PPRC1: variants seen among roughly 807,000 people sequenced by gnomAD.
PPRC1 encodes peroxisome proliferator-activated receptor gamma coactivator-related protein 1.
Under a neutral mutation model 132.5 loss-of-function variants are expected in PPRC1, and 23 were observed. The observed-to-expected ratio is 0.17, with a 90% confidence interval of 0.12 to 0.25. The LOEUF (loss-of-function observed/expected upper bound fraction) is 0.25. Among genes scored for constraint, PPRC1 ranks in the 10% least tolerant of loss-of-function variants. The probability of loss-of-function intolerance (pLI) is 1.00; values close to 1 mark genes in which losing one functional copy is unlikely to be tolerated. For missense variants in PPRC1, 2,006 were observed against 2,089.1 expected (o/e 0.96, Z 0.78); for synonymous variants, 872 against 833.5 (o/e 1.05, Z -0.80).
At position 102,133,107 on chromosome 10, in the gene PPRC1, G is replaced by A. The variant is rs944802347; in HGVS notation, c.39G>A (p.Pro13=). ...ARRGRRDGVA[P]PPSGGPGPDP... is the part of the protein sequence containing the mutation. Reference sequence around the variant, plus strand: ...GGGGACGGAGAGACGGAGTCGCGCCGCCCCCGAGTGGGGGCCCCGGTCCGG... The same window carrying A: ...GGGGACGGAGAGACGGAGTCGCGCCACCCCCGAGTGGGGGCCCCGGTCCGG... The change falls in exon 1 of 14, where the codon CCG becomes CCA. Residue 13 remains proline, a synonymous_variant. Transcript: ENST00000278070. 8.0e-7 allele frequency: 1 copy of A among 1,244,844 alleles called. No individual in the cohort carries two copies. 77.1% of individuals were successfully genotyped at this position (1,244,844 alleles called of 1,614,324 possible).
At chr10:102,138,278 C>T (rs993225016) in intron 2 of PPRC1, among the ~76,000 whole-genome samples, 1 of 152,236 alleles carries the variant, frequency 6.6e-6, no homozygotes, top group Non-Finnish European at 1.5e-5. Flanking sequence ...TTCCCACTGT[C>T]TGGGCCCCTG....
rs1480230764 is a variant in PPRC1, at chr10:102,139,949, T to A, written c.1441T>A (p.Ser481Thr). ...GGAAGGCTATGCCAGGAGGCTGAGG[T>A]CATCTTCTCGCGGGCAGTCTACTGT... ...CVEGYARRLR[S>T]SSRGQSTVGT... The change falls in exon 5 of 14, where the codon TCA (serine) becomes ACA (threonine). Residue 481 changes from serine (S) to threonine (T), a missense_variant. Physicochemically the swap from Ser to Thr is moderately conservative, Grantham distance 58. Transcript: ENST00000278070. 6 of 1,614,082 alleles carry A rather than the reference T, an allele frequency of 3.7e-6. No homozygotes were observed. The highest frequency in any genetic ancestry group is 5.1e-6 in the Non-Finnish European group (6 of 1,180,052).
At chr10:102,144,937 C>CA in intron 7 of PPRC1, 83 bp from the exon 8 acceptor site, 1 of 1,138,432 alleles carries the variant, frequency 8.8e-7, no homozygotes, top group Non-Finnish European at 1.3e-6. Flanking sequence ...CACCCACCCC[C>CA]TCCCATTGAT....
At chr10:102,147,472 C>A in intron 9 of PPRC1, 80 bp downstream of exon 9, 1 of 1,464,632 alleles carries the variant, frequency 6.8e-7, no homozygotes, top group Non-Finnish European at 9.1e-7. Context: ...AGCTTTTACC[C>A]GTTGACTTTG....
Position 102,138,933 on chromosome 10 carries a change from C to T in PPRC1, c.544C>T (p.Pro182Ser). The stretch of plus-strand genomic sequence containing the variant: ...ACCCCCAGAACGTGACCTCATCACC[C>T]CAGTTGACCCACTGGGGCCCAGTAC... ...RTPPERDLIT[P>S]VDPLGPSTGS... Residue 182 changes from proline (P) to serine (S), a missense_variant, in exon 4 of 14, where the codon CCA becomes TCA. This residue lies in a region of PPRC1 where 1,914 missense variants were observed against 1,917.2 expected (regional missense o/e 1.00). Coordinates refer to ENST00000278070, the MANE Select transcript of PPRC1 (RefSeq NM_015062.5). 2 of 1,614,176 alleles carry T rather than the reference C, an allele frequency of 1.2e-6. No individual in the cohort carries two copies. Among genetic ancestry groups the T allele is most frequent in the Non-Finnish European group, 1.7e-6 (2 of 1,180,016 alleles).
intron 7 of PPRC1, chr10:102,144,787 G>A (rs566954300): frequency 1.8e-5 from 10 of 547,428 alleles, no homozygotes; most frequent in Non-Finnish European, 3.3e-5. Context: ...AAGGAGGTGG[G>A]GGGTATTCAA....
intron 8 of PPRC1, among the ~76,000 whole-genome samples, chr10:102,146,061 G>C (rs2069232838): frequency 6.6e-6 from 1 of 152,192 alleles, no homozygotes. Flanking sequence ...AACCAACTGG[G>C]TATGTTTTGG....
the PPRC1 span, among the ~76,000 whole-genome samples, chr10:102,124,539 T>A: frequency 6.6e-6 from 1 of 151,768 alleles, no homozygotes; most frequent in Non-Finnish European, 1.5e-5. Context: ...AATTTTGTAT[T>A]TTTAGTAGAG....
rs749636936 is a variant in PPRC1, at chr10:102,140,965, T to A, written c.2457T>A (p.Leu819=). Residue 819 remains leucine, a synonymous_variant, in exon 5 of 14, where the codon CTT becomes CTA. Coordinates refer to ENST00000278070, the MANE Select transcript of PPRC1 (RefSeq NM_015062.5). ...CTGAAACACCCCTTGAGATTTGCCT[T>A]GTGCCTGTAGGTCCCAGCCCTGCTT... ...RSPETPLEIC[L]VPVGPSPASP... is the part of the protein sequence containing the mutation. 6.2e-7 allele frequency: 1 copy of A among 1,614,050 alleles called. No individual in the cohort carries two copies. Among genetic ancestry groups the A allele is most frequent in the Non-Finnish European group, 8.5e-7 (1 of 1,179,998 alleles).
chr10:102,137,988 A>G lies in PPRC1; in HGVS notation c.292A>G (p.Met98Val). 6.2e-7 allele frequency: 1 copy of G among 1,614,122 alleles called. No individual in the cohort carries two copies. The highest frequency in any genetic ancestry group is 8.5e-7 in the Non-Finnish European group (1 of 1,180,008). Residue 98 changes from methionine (M) to valine (V), a missense_variant, in exon 2 of 14, where the codon ATG becomes GTG. Met to Val is a conservative substitution (Grantham distance 21). Coordinates refer to ENST00000278070, the MANE Select transcript of PPRC1 (RefSeq NM_015062.5). Reference protein sequence around the residue: ...ETLLGTMQSYMDASLISLIED... With the variant: ...ETLLGTMQSYVDASLISLIED... ...ACTGCTGGGGACCATGCAGAGCTAC[A>G]TGGATGCCTCCCTTATCTCCCTCAT... is the stretch of plus-strand genomic sequence containing the variant.
chr10:102,136,360 T>G lies in PPRC1; in HGVS notation c.154-1490T>G, dbSNP rs565002944. ...GAAGACACCTGTTGCTTTTTTCTTT[T>G]GGAAGTGGTGCGGAATTTCACTTTG... On this transcript the variant is annotated intron_variant, in intron 1 of 13. Coordinates refer to ENST00000278070, the MANE Select transcript of PPRC1 (RefSeq NM_015062.5). Among the ~76,000 whole-genome samples, 7 of 152,194 alleles carry G rather than the reference T, an allele frequency of 4.6e-5. No homozygotes were observed. The South Asian group carries it at 1.5e-3, about 32-fold the overall frequency.
the PPRC1 span, among the ~76,000 whole-genome samples, chr10:102,127,272 G>T: frequency 6.6e-6 from 1 of 151,758 alleles, no homozygotes; most frequent in Non-Finnish European, 1.5e-5. Context: ...CTACTCAGGA[G>T]GCTGAGGTAG....
Position 102,150,256 on chromosome 10 carries a change from G to A in PPRC1, c.*227G>A, listed in dbSNP as rs2069452662. On this transcript the variant is annotated 3_prime_UTR_variant, in exon 14 of 14. Coordinates refer to ENST00000278070, the MANE Select transcript of PPRC1 (RefSeq NM_015062.5). Reference sequence around the variant, plus strand: ...ACTTGCATTCCTATGTAAGATAGGAGGGGCTGAGGGGATCCCCAGTGTTTG... The same window carrying A: ...ACTTGCATTCCTATGTAAGATAGGAAGGGCTGAGGGGATCCCCAGTGTTTG... The A allele has an allele frequency of 2.3e-6, 1 of 437,956 alleles. No homozygotes were observed. Among genetic ancestry groups the A allele is most frequent in the Non-Finnish European group, 4.2e-6 (1 of 236,898 alleles). The allele number at this position is 437,956 out of a possible 1,614,324, so 27.1% of individuals were successfully genotyped here. A position where few individuals can be genotyped will look rare whatever the true frequency, so the allele number is the denominator to read the frequency against.
At chr10:102,120,917 G>A in the PPRC1 span, among the ~76,000 whole-genome samples, 3 of 152,154 alleles carry the variant, frequency 2.0e-5, no homozygotes, top group Non-Finnish European at 4.4e-5. Flanking sequence ...TCCCTGCTGA[G>A]ACGCCAGCCT....
chr10:102,127,573 A>T, the PPRC1 span, among the ~76,000 whole-genome samples: 1 of 150,942 alleles, frequency 6.6e-6, no homozygotes, highest in African/African-American at 2.4e-5. Flanking sequence ...CGCCCGGCTA[A>T]TTTTTTGTAT....
Position 102,141,795 on chromosome 10 carries a change from C to T in PPRC1, c.3287C>T (p.Ala1096Val), listed in dbSNP as rs1221047579. 1 of 1,613,908 alleles carries T rather than the reference C, an allele frequency of 6.2e-7. No homozygotes were observed. Among genetic ancestry groups the T allele is most frequent in the Non-Finnish European group, 8.5e-7 (1 of 1,179,890 alleles). Reference protein sequence around the residue: ...SAEGVTVEEPASERLKPETQE... With the variant: ...SAEGVTVEEPVSERLKPETQE... ...GAAGGTGTGACTGTTGAGGAGCCTGCATCAGAGAGGCTAAAGCCTGAGACC... is the reference window on the plus strand; with the variant it reads ...GAAGGTGTGACTGTTGAGGAGCCTGTATCAGAGAGGCTAAAGCCTGAGACC... The change falls in exon 5 of 14, where the codon GCA becomes GTA. Residue 1096 changes from alanine to valine, a missense_variant. Ala to Val is a moderately conservative substitution (Grantham distance 64). Coordinates refer to ENST00000278070, the MANE Select transcript of PPRC1 (RefSeq NM_015062.5).
chr10:102,133,010 A>T, upstream of PPRC1: 1 of 1,236,256 alleles, frequency 8.1e-7, no homozygotes, highest in Non-Finnish European at 1.0e-6. Flanking sequence ...CCTTTCCCAC[A>T]ATCGGCTGGG....
the PPRC1 span, chr10:102,120,448 C>T: frequency 1.0e-6 from 1 of 964,236 alleles, no homozygotes; most frequent in Non-Finnish European, 1.2e-6. Context: ...CCCCTCTCCG[C>T]CCTCGCGCTC....
chr10:102,145,121 A>G (rs1445057037), intron 8 of PPRC1, 31 bp downstream of exon 8: 1 of 1,580,000 alleles, frequency 6.3e-7, no homozygotes, highest in Admixed American at 1.7e-5. Flanking sequence ...TCTGCCTGTG[A>G]TTAGTCTATG....
Sources: gnomAD v4.1 joint callset for allele counts (sites outside exome capture counted in the v4.1 genomes callset) on GRCh38, gnomAD v4.1.1 for gene constraint, gnomAD v4.1.1 regional missense constraint, MANE v1.5 for transcripts, NCBI Gene and HGNC (gene_info 2026-07-23, HGNC 2026-07-21) for gene names.